Variants in FAM149B1 observed in about 807,000 individuals in gnomAD.
FAM149B1 encodes family with sequence similarity 149 member B1.
A neutral mutation model predicts 75.3 loss-of-function variants in FAM149B1; 56 were observed. That is an observed-to-expected ratio of 0.74 (90% CI 0.60 to 0.93). FAM149B1 has a LOEUF of 0.93. Among genes scored for constraint, FAM149B1 ranks in the 40% least tolerant of loss-of-function variants. The pLI is 0.00. For synonymous variants in FAM149B1, 259 were observed against 256.1 expected (o/e 1.01, Z -0.11); for missense variants, 639 against 708.4 (o/e 0.90, Z 1.11).
In FAM149B1 at chr10:73,241,038, A is replaced by C. The variant is rs1249993043; in HGVS notation, c.*19A>C. The C allele has an allele frequency of 1.4e-6, 2 of 1,401,264 alleles. No individual in the cohort carries two copies. Among genetic ancestry groups the C allele is most frequent in the Non-Finnish European group, 2.0e-6 (2 of 1,014,518 alleles). 86.8% of individuals were successfully genotyped at this position (1,401,264 alleles called of 1,614,324 possible). A position where few individuals can be genotyped will look rare whatever the true frequency, so the allele number is the denominator to read the frequency against. ...ACCATAAGGCAAATGAGAAGAATCT[A>C]TCAGGCTGCAGGAAACACGAGATTT... On this transcript the variant is annotated 3_prime_UTR_variant, in exon 14 of 14. Transcript: ENST00000242505.
intron 7 of FAM149B1, among the ~76,000 whole-genome samples, chr10:73,221,293 A>T (rs893082008): frequency 3.3e-5 from 5 of 152,204 alleles, no homozygotes; most frequent in East Asian, 1.9e-4. Flanking sequence ...TTTTAAAAAA[A>T]TTTTTAAAAT....
chr10:73,196,283 G>A (rs549071770), intron 5 of FAM149B1, among the ~76,000 whole-genome samples: 4 of 152,118 alleles, frequency 2.6e-5, no homozygotes, highest in African/African-American at 7.2e-5. Context: ...GTTGGGTGGT[G>A]AGGGTATGTA....
chr10:73,239,210 C>T, intron 12 of FAM149B1, 102 bp from the exon 13 acceptor site: 1 of 982,800 alleles, frequency 1.0e-6, no homozygotes, highest in African/African-American at 1.6e-5. Flanking sequence ...TAGTCTATGC[C>T]TTTTACCACT....
rs983908349 is a variant in FAM149B1 at position 73,233,023 on chromosome 10, T to G, written c.1212T>G (p.Phe404Leu). The G allele has an allele frequency of 6.4e-6, 10 of 1,551,692 alleles. No homozygotes were observed. The highest frequency in any genetic ancestry group is 2.0e-5 in the Admixed American group (1 of 50,982). ...TRNWPNRAVEFSTSSLSYTVQ... is the reference protein window; with the variant it reads ...TRNWPNRAVELSTSSLSYTVQ... ...ATTGGCCAAATCGAGCTGTGGAGTT[T>G]AGTACATCATCTCTGTCATACACAG... Residue 404 changes from phenylalanine (F) to leucine (L), a missense_variant, in exon 10 of 14, where the codon TTT (phenylalanine) becomes TTG (leucine). Coordinates refer to ENST00000242505, the MANE Select transcript of FAM149B1 (RefSeq NM_173348.2).
intron 7 of FAM149B1, among the ~76,000 whole-genome samples, chr10:73,215,020 T>G (rs1186917666): frequency 6.6e-6 from 1 of 152,122 alleles, no homozygotes; most frequent in African/African-American, 2.4e-5. Flanking sequence ...TTTTCAGTTT[T>G]TGGTTTTTTT....
chr10:73,199,496 C>T (rs1474510626), intron 5 of FAM149B1, among the ~76,000 whole-genome samples: 1 of 152,092 alleles, frequency 6.6e-6, no homozygotes, highest in African/African-American at 2.4e-5. Context: ...AGATTACAGG[C>T]GTGAGCCACT....
rs144565339 is a variant in FAM149B1, at chr10:73,218,013, G to A, written c.898+7575G>A. Among the ~76,000 whole-genome samples, 27 of 152,248 alleles carry A rather than the reference G, an allele frequency of 1.8e-4. No homozygotes were observed. The East Asian group carries it at 4.2e-3, about 24-fold the overall frequency. ...CCTAGATGTAATCTATTCAGTACAG[G>A]TTCTATACACAATTTCTCTCCATCT... is the stretch of plus-strand genomic sequence containing the variant. On this transcript the variant is annotated intron_variant, in intron 7 of 13. Transcript: ENST00000242505.
chr10:73,243,247 G>C lies in FAM149B1; in HGVS notation c.*2228G>C. ...CTAGGAAATACTAAGATCAGGTTGA[G>C]AGATTCTGCTTGGTCTAGTCAATCT... On this transcript the variant is annotated 3_prime_UTR_variant, in exon 14 of 14. Transcript: ENST00000242505. 1 of 759,786 alleles carries C rather than the reference G, an allele frequency of 1.3e-6. No homozygotes were observed. The highest frequency in any genetic ancestry group is 2.6e-5 in the East Asian group (1 of 39,204). 47.1% of individuals were successfully genotyped at this position (759,786 alleles called of 1,614,324 possible). A position where few individuals can be genotyped will look rare whatever the true frequency, so the allele number is the denominator to read the frequency against.
chr10:73,184,230 G>A (rs1285833013), intron 3 of FAM149B1, among the ~76,000 whole-genome samples: 7 of 152,030 alleles, frequency 4.6e-5, no homozygotes, highest in Non-Finnish European at 4.4e-5. Context: ...AATACTACTA[G>A]AAACAAAGAG....
chr10:73,223,019 C>T (rs2043453462), intron 7 of FAM149B1, among the ~76,000 whole-genome samples: 1 of 152,076 alleles, frequency 6.6e-6, no homozygotes, highest in Admixed American at 6.6e-5. Flanking sequence ...ACTCAGGGGA[C>T]TAAAGCAGGA....
chr10:73,210,155 A>C, intron 6 of FAM149B1, 96 bp from the exon 7 acceptor site: 1 of 767,694 alleles, frequency 1.3e-6, no homozygotes, highest in African/African-American at 1.8e-5. Flanking sequence ...ATTTTTCCTC[A>C]AATCAAAGTG....
chr10:73,228,400 G>A (rs565331261), intron 8 of FAM149B1, among the ~76,000 whole-genome samples: 1 of 152,326 alleles, frequency 6.6e-6, no homozygotes, highest in African/African-American at 2.4e-5. Context: ...GCTCTTCTAA[G>A]GAGGCATCTG....
At position 73,208,702 on chromosome 10, in the gene FAM149B1, G is replaced by T; in HGVS notation, c.626G>T (p.Cys209Phe). ...ASSIAKSSSF[C>F]SMERDEEDSI... ...TCCATTGCCAAATCCTCCAGCTTTTGTTCTATGGAAAGAGATGAGGAAGAC... is the reference window on the plus strand; with the variant it reads ...TCCATTGCCAAATCCTCCAGCTTTTTTTCTATGGAAAGAGATGAGGAAGAC... The change falls in exon 6 of 14, where the codon TGT becomes TTT. Residue 209 changes from cysteine (C) to phenylalanine (F), a missense_variant. Coordinates refer to ENST00000242505, the MANE Select transcript of FAM149B1 (RefSeq NM_173348.2). 1 of 1,549,096 alleles carries T rather than the reference G, an allele frequency of 6.5e-7. No individual in the cohort carries two copies. Among genetic ancestry groups the T allele is most frequent in the Non-Finnish European group, 8.7e-7 (1 of 1,145,458 alleles).
chr10:73,187,681 A>G (rs566671605), intron 3 of FAM149B1, among the ~76,000 whole-genome samples: 49 of 152,030 alleles, frequency 3.2e-4, no homozygotes, highest in African/African-American at 1.2e-3. Context: ...GTGAGCCGAG[A>G]TCGCACCATT....
At chr10:73,239,064 T>G in intron 12 of FAM149B1, 1 of 403,454 alleles carries the variant, frequency 2.5e-6, no homozygotes, top group East Asian at 4.0e-5. Context: ...TTATAACTCC[T>G]GATTTCCTTA....
At chr10:73,238,352 C>T (rs1002067044) in intron 12 of FAM149B1, among the ~76,000 whole-genome samples, 1 of 152,058 alleles carries the variant, frequency 6.6e-6, no homozygotes, top group Non-Finnish European at 1.5e-5. Context: ...TCTGTCCCCC[C>T]ACAAAAAAAA....
intron 3 of FAM149B1, among the ~76,000 whole-genome samples, chr10:73,191,985 G>A (rs1040983264): frequency 6.6e-6 from 1 of 151,602 alleles, no homozygotes; most frequent in Non-Finnish European, 1.5e-5. Context: ...GCTACAACCT[G>A]TGCCTCCCAG....
At chr10:73,234,515 C>A in intron 10 of FAM149B1, 4 of 281,300 alleles carry the variant, frequency 1.4e-5, no homozygotes, top group South Asian at 9.6e-5. Flanking sequence ...TTTACAAATC[C>A]AAATCAGCAG....
chr10:73,209,176 C>T (rs189479730), intron 6 of FAM149B1, among the ~76,000 whole-genome samples: 47 of 152,246 alleles, frequency 3.1e-4, no homozygotes, highest in African/African-American at 9.9e-4. Flanking sequence ...AGGCTGGGCG[C>T]GGTGGCTCAC....
Sources: allele counts gnomAD v4.1 joint callset (sites outside exome capture counted in the v4.1 genomes callset), GRCh38; gene constraint gnomAD v4.1.1; transcripts MANE v1.5; gene names NCBI Gene and HGNC (gene_info 2026-07-23, HGNC 2026-07-21).